NEURL1: variants seen among roughly 807,000 people sequenced by gnomAD.
NEURL1 encodes E3 ubiquitin-protein ligase NEURL1.
A neutral mutation model predicts 41.2 loss-of-function variants in NEURL1; 26 were observed. The ratio of observed to expected loss-of-function variants is 0.63; its 90% CI spans 0.46 to 0.87. The LOEUF (loss-of-function observed/expected upper bound fraction) is 0.87, where lower values mean the gene tolerates loss of function less well. NEURL1 is among the 40% of genes least tolerant of loss of function. NEURL1 has a pLI of 0.00. For missense variants in NEURL1, 761 were observed against 871.1 expected (o/e 0.87, Z 1.59); for synonymous variants, 400 against 402.3 (o/e 0.99, Z 0.07).
intron 1 of NEURL1, chr10:103,549,294 T>A (rs749492973): frequency 1.6e-4 from 24 of 152,692 alleles, no homozygotes; most frequent in Non-Finnish European, 2.9e-4. Flanking sequence ...TGTGTTCCCA[T>A]CCTCCTGGGC....
intron 1 of NEURL1, among the ~76,000 whole-genome samples, chr10:103,515,934 G>T (rs2034194319): frequency 6.6e-6 from 1 of 152,138 alleles, no homozygotes. Context: ...ACATATTTAA[G>T]AGGTGTGCTT....
chr10:103,571,140 C>T (rs201954619), intron 2 of NEURL1, 27 bp downstream of exon 2: 27 of 1,604,956 alleles, frequency 1.7e-5, no homozygotes, highest in Middle Eastern at 1.8e-4. Flanking sequence ...CCCCCGCCCC[C>T]GCCTCCTGCT....
chr10:103,571,477 C>CT, intron 2 of NEURL1, 24 bp from the exon 3 acceptor site: 1 of 1,579,740 alleles, frequency 6.3e-7, no homozygotes, highest in Non-Finnish European at 8.6e-7. Context: ...AGAGGGTGGG[C>CT]TGAGGCCACC....
intron 1 of NEURL1, among the ~76,000 whole-genome samples, chr10:103,534,814 T>A (rs1056329043): frequency 6.6e-6 from 1 of 152,016 alleles, no homozygotes; most frequent in African/African-American, 2.4e-5. Context: ...ACCTGGGTCA[T>A]GGGGTGCAAC....
intron 3 of NEURL1, among the ~76,000 whole-genome samples, chr10:103,578,995 C>T (rs2133881809): frequency 6.6e-6 from 1 of 152,358 alleles, no homozygotes; most frequent in East Asian, 1.9e-4. Context: ...TTAGCCAGTG[C>T]TCCGGATGTG....
chr10:103,505,350 A>T (rs1418672294), intron 1 of NEURL1, among the ~76,000 whole-genome samples: 1 of 151,452 alleles, frequency 6.6e-6, no homozygotes, highest in Non-Finnish European at 1.5e-5. Context: ...CAGCCTCCCG[A>T]ATAGCTGGGA....
chr10:103,570,771 G>T, intron 1 of NEURL1, 101 bp from the exon 2 acceptor site: 1 of 1,520,458 alleles, frequency 6.6e-7, no homozygotes, highest in Non-Finnish European at 8.8e-7. Flanking sequence ...TGGGCTCTGG[G>T]TGACTTCTGG....
At chr10:103,494,660 G>T in intron 1 of NEURL1, 188 bp downstream of exon 1, 1 of 581,380 alleles carries the variant, frequency 1.7e-6, no homozygotes, top group Non-Finnish European at 3.0e-6. Flanking sequence ...ATGGCGTCCC[G>T]CGGGGTCTGC....
At chr10:103,526,659 G>A (rs1366375323) in intron 1 of NEURL1, among the ~76,000 whole-genome samples, 8 of 152,110 alleles carry the variant, frequency 5.3e-5, no homozygotes, top group East Asian at 1.9e-4. Flanking sequence ...TTACAGGTGC[G>A]TACCACCATG....
At chr10:103,536,363 G>A (rs1386700146) in intron 1 of NEURL1, among the ~76,000 whole-genome samples, 1 of 152,144 alleles carries the variant, frequency 6.6e-6, no homozygotes, top group African/African-American at 2.4e-5. Context: ...GGCCAACATG[G>A]TGAAACCCCT....
intron 1 of NEURL1, among the ~76,000 whole-genome samples, chr10:103,521,168 G>T (rs1276541124): frequency 6.6e-6 from 1 of 152,182 alleles, no homozygotes; most frequent in Non-Finnish European, 1.5e-5. Context: ...ATTGAGGACA[G>T]AAAGGGGTAT....
At chr10:103,536,255 C>T (rs938279796) in intron 1 of NEURL1, among the ~76,000 whole-genome samples, 5 of 152,176 alleles carry the variant, frequency 3.3e-5, no homozygotes, top group African/African-American at 1.2e-4. Flanking sequence ...GTTAAAATAA[C>T]AATGTTGACC....
chr10:103,558,161 A>G lies in NEURL1; in HGVS notation c.86-12711A>G. On this transcript the variant is annotated intron_variant, in intron 1 of 5. Transcript: ENST00000369780. This position sits in a 1 kb window ranked among gnomAD's most constrained non-coding sequence, Gnocchi z 4.2. ...CCAAAGTGCTGGGTTTACAGGTGTGAGCCACCGCGCTTGGCTGATTGTATT... is the reference window on the plus strand; with the variant it reads ...CCAAAGTGCTGGGTTTACAGGTGTGGGCCACCGCGCTTGGCTGATTGTATT... 1 of 985,300 alleles carries G rather than the reference A, an allele frequency of 1.0e-6. No individual in the cohort carries two copies. The highest frequency in any genetic ancestry group is 1.2e-6 in the Non-Finnish European group (1 of 829,878). 61.0% of individuals were successfully genotyped at this position (985,300 alleles called of 1,614,324 possible).
chr10:103,522,332 G>C (rs2034368117), intron 1 of NEURL1, among the ~76,000 whole-genome samples: 1 of 151,904 alleles, frequency 6.6e-6, no homozygotes, highest in Non-Finnish European at 1.5e-5. Context: ...CTCTTGCCAG[G>C]GATGGTGGCT....
Position 103,556,105 on chromosome 10 carries a change from G to A in NEURL1, c.86-14767G>A, listed in dbSNP as rs1006556698. Among the ~76,000 whole-genome samples, 1 of 152,238 alleles carries A rather than the reference G, an allele frequency of 6.6e-6. No homozygotes were observed. The highest frequency in any genetic ancestry group is 2.4e-5 in the African/African-American group (1 of 41,462). ...GGAGGCCAGAGAACTTCTGAGCCCTGCAGGTCACGTCCACAGTCAGACAGA... is the reference window on the plus strand; with the variant it reads ...GGAGGCCAGAGAACTTCTGAGCCCTACAGGTCACGTCCACAGTCAGACAGA... On this transcript the variant is annotated intron_variant, in intron 1 of 5. Transcript: ENST00000369780. The surrounding 1 kb of genome is among the most constrained non-coding windows in gnomAD (Gnocchi z 4.4).
chr10:103,572,280 A>G (rs1489674142), intron 3 of NEURL1, among the ~76,000 whole-genome samples: 1 of 152,218 alleles, frequency 6.6e-6, no homozygotes, highest in African/African-American at 2.4e-5. Flanking sequence ...CCCAGGAGCC[A>G]TGGCCGTTGA....
rs1442360569 is a variant in NEURL1, at chr10:103,494,351, C to T, written c.-37C>T. The T allele has an allele frequency of 3.3e-6, 5 of 1,534,220 alleles. No individual in the cohort carries two copies. Among genetic ancestry groups the T allele is most frequent in the Non-Finnish European group, 4.4e-6 (5 of 1,130,842 alleles). ...CCTCAGCGCCTGCCCGGCCTCGCCC[C>T]CACCCGCGAGCGCCGAACCTCCTGG... On this transcript the variant is annotated 5_prime_UTR_variant, in exon 1 of 6. Transcript: ENST00000369780.
chr10:103,522,945 A>C (rs184758969), intron 1 of NEURL1, among the ~76,000 whole-genome samples: 26 of 152,062 alleles, frequency 1.7e-4, no homozygotes, highest in African/African-American at 6.3e-4. Context: ...TGAGGATTTT[A>C]TAGTTGTCTT....
At chr10:103,588,716 C>A (rs1477581650) in intron 4 of NEURL1, 5 of 430,088 alleles carry the variant, frequency 1.2e-5, no homozygotes. Context: ...GGAGCCGAGG[C>A]TGGCAGATCA....
Sources: allele counts gnomAD v4.1 joint callset (sites outside exome capture counted in the v4.1 genomes callset), GRCh38; gene constraint gnomAD v4.1.1; non-coding constraint Gnocchi (gnomAD v3.1); transcripts MANE v1.5; gene names NCBI Gene and HGNC (gene_info 2026-07-23, HGNC 2026-07-21).